CWC22: variants seen among roughly 807,000 people sequenced by gnomAD.
The protein encoded by CWC22 is pre-mRNA-splicing factor CWC22 homolog.
Under a neutral mutation model 117.2 loss-of-function variants are expected in CWC22, and 53 were observed. The observed-to-expected ratio is 0.45, with a 90% CI of 0.36 to 0.57. The LOEUF (loss-of-function observed/expected upper bound fraction) is 0.57. CWC22 is among the 20% of genes least tolerant of loss of function. CWC22 has a pLI of 0.00. For synonymous variants in CWC22, 360 were observed against 355.6 expected (o/e 1.01, Z -0.14); for missense variants, 980 against 1,068.8 (o/e 0.92, Z 1.16).
At chr2:179,952,103 G>A (rs1241856769) in intron 17 of CWC22, among the ~76,000 whole-genome samples, 2 of 152,050 alleles carry the variant, frequency 1.3e-5, no homozygotes, top group African/African-American at 4.8e-5. Flanking sequence ...ATTATTAATA[G>A]ATGAAATATA....
At chr2:179,999,514 T>C (rs2105563505) in intron 1 of CWC22, among the ~76,000 whole-genome samples, 1 of 152,308 alleles carries the variant, frequency 6.6e-6, no homozygotes, top group East Asian at 1.9e-4. Flanking sequence ...TACGTCAGAC[T>C]GTTAAGCAGA....
intron 14 of CWC22, among the ~76,000 whole-genome samples, chr2:179,956,233 A>G (rs1686587632): frequency 6.6e-6 from 1 of 151,950 alleles, no homozygotes; most frequent in African/African-American, 2.4e-5. Flanking sequence ...TAGGAAGGGA[A>G]CCTTGGAGAA....
At chr2:179,982,347 G>A (rs905147821) in intron 4 of CWC22, among the ~76,000 whole-genome samples, 1 of 152,198 alleles carries the variant, frequency 6.6e-6, no homozygotes, top group Non-Finnish European at 1.5e-5. Context: ...TTGTTGGAAA[G>A]ATGAATTAGA....
At chr2:179,955,172 A>G in intron 14 of CWC22, 138 bp from the exon 15 acceptor site, 1 of 642,814 alleles carries the variant, frequency 1.6e-6, no homozygotes. Context: ...AATAAAATAA[A>G]AACCTCAATC....
At position 179,970,867 on chromosome 2, in the gene CWC22, A is replaced by G. The variant is rs1487885762; in HGVS notation, c.941-11T>C. On this transcript the variant is annotated splice_polypyrimidine_tract_variant and intron_variant, in intron 9 of 19. Transcript: ENST00000410053. ...GGCGTTCAAATATAGCTAAAAGTTA[A>G]CAGAAAGAAAAGACAATAAAATAAG... The G allele has an allele frequency of 6.2e-7, 1 of 1,611,116 alleles. No individual in the cohort carries two copies. The highest frequency in any genetic ancestry group is 2.2e-5 in the East Asian group (1 of 44,836).
chr2:179,999,669 G>A (rs1687797386), intron 1 of CWC22, among the ~76,000 whole-genome samples: 1 of 152,098 alleles, frequency 6.6e-6, no homozygotes, highest in South Asian at 2.1e-4. Context: ...CAAGTTAGAG[G>A]AACTTGCTGA....
At chr2:179,950,260 C>T (rs761922134) in intron 19 of CWC22, among the ~76,000 whole-genome samples, 1 of 152,118 alleles carries the variant, frequency 6.6e-6, no homozygotes, top group African/African-American at 2.4e-5. Context: ...TCATATCAGT[C>T]ATCACTCAGA....
At chr2:180,004,461 A>C (rs262278) in intron 1 of CWC22, among the ~76,000 whole-genome samples, 1 of 151,826 alleles carries the variant, frequency 6.6e-6, no homozygotes, top group East Asian at 1.9e-4. Flanking sequence ...GAGAGAGCTC[A>C]GCTCACTGCA....
chr2:179,955,315 G>A (rs949811949), intron 14 of CWC22, among the ~76,000 whole-genome samples: 2 of 151,724 alleles, frequency 1.3e-5, no homozygotes, highest in Non-Finnish European at 2.9e-5. Flanking sequence ...TCTAGTATAG[G>A]AAACAGACAT....
Position 179,998,838 on chromosome 2 carries a change from A to C in CWC22, c.-113-5384T>G, listed in dbSNP as rs1687774376. Among the ~76,000 whole-genome samples, 3 of 152,122 alleles carry C rather than the reference A, an allele frequency of 2.0e-5. No homozygotes were observed. In the South Asian group the frequency reaches 6.2e-4, roughly 31 times the overall value. On this transcript the variant is annotated intron_variant, in intron 1 of 19. Coordinates refer to ENST00000410053, the MANE Select transcript of CWC22 (RefSeq NM_020943.3). Reference sequence around the variant, plus strand: ...AAATCACTTGACCCCATTGCACAAGATTTAGCGTTTTCCTTTGCTACTCTC... The same window carrying C: ...AAATCACTTGACCCCATTGCACAAGCTTTAGCGTTTTCCTTTGCTACTCTC...
rs117721173 is a variant in CWC22, at chr2:179,981,101, G to A, written c.452+651C>T. On this transcript the variant is annotated intron_variant, in intron 5 of 19. Coordinates refer to ENST00000410053, the MANE Select transcript of CWC22 (RefSeq NM_020943.3). The stretch of plus-strand genomic sequence containing the variant: ...TAATAGATCATGATCTGAAGAAAAT[G>A]TACAAAAAGAGATAATTGCCAGCTT... 2.6e-5 allele frequency among the ~76,000 whole-genome samples: 4 copies of A among 152,266 alleles called. No homozygotes were observed. The East Asian group carries it at 7.7e-4, about 29-fold the overall frequency.
chr2:179,958,061 T>C (rs1372285693), intron 14 of CWC22, among the ~76,000 whole-genome samples: 1 of 152,054 alleles, frequency 6.6e-6, no homozygotes, highest in Non-Finnish European at 1.5e-5. Flanking sequence ...CTGGGAGTGG[T>C]GGCTCACGCC....
rs116533199 is a variant in CWC22 at position 180,005,785 on chromosome 2, A to G, written c.-114+1082T>C. Among the ~76,000 whole-genome samples the G allele has an allele frequency of 2.1e-3, 315 of 152,350 alleles. 1 individual carries two copies. Among genetic ancestry groups the G allele is most frequent in the African/African-American group, 7.4e-3 (306 of 41,584 alleles). On this transcript the variant is annotated intron_variant, in intron 1 of 19. Transcript: ENST00000410053. The stretch of plus-strand genomic sequence containing the variant: ...CTTTATACTCAAAAAAAGACAATAC[A>G]GTGAGGCAGGTATTGTATTACTACC...
chr2:179,991,456 AAG>A, intron 2 of CWC22, among the ~76,000 whole-genome samples: 1 of 152,198 alleles, frequency 6.6e-6, no homozygotes, highest in Non-Finnish European at 1.5e-5. Flanking sequence ...AAGCAGACCA[AAG>A]AGAGCTGGCT....
At chr2:179,989,254 ATT>A (rs1186343908) in intron 2 of CWC22, among the ~76,000 whole-genome samples, 1 of 149,178 alleles carries the variant, frequency 6.7e-6, no homozygotes, top group Non-Finnish European at 1.5e-5. Flanking sequence ...AATAATAATT[ATT>A]ATTATTATTA....
rs1459283654 is a variant in CWC22 at position 179,952,551 on chromosome 2, A to G, written c.1737T>C (p.Ser579=). 1.3e-5 allele frequency: 20 copies of G among 1,535,540 alleles called. No individual in the cohort carries two copies. Among genetic ancestry groups the G allele is most frequent in the Non-Finnish European group, 1.7e-5 (19 of 1,132,670 alleles). ...GGAAAAATATTTTGACAAAAATTCTACTGGATGATGTAGTGGTTTCTTCAC... is the reference window on the plus strand; with the variant it reads ...GGAAAAATATTTTGACAAAAATTCTGCTGGATGATGTAGTGGTTTCTTCAC... ...KLSEETTTSS[S]RIFVKIFFQE... The change falls in exon 17 of 20, where the codon AGT becomes AGC. Residue 579 remains serine, a synonymous_variant. Transcript: ENST00000410053.
intron 4 of CWC22, among the ~76,000 whole-genome samples, chr2:179,982,418 G>T (rs1687307938): frequency 6.6e-6 from 1 of 152,094 alleles, no homozygotes; most frequent in Non-Finnish European, 1.5e-5. Flanking sequence ...GGAGGTGATG[G>T]GGAATCATTA....
chr2:179,990,733 C>T (rs762355064), intron 2 of CWC22, among the ~76,000 whole-genome samples: 2 of 152,120 alleles, frequency 1.3e-5, no homozygotes, highest in East Asian at 1.9e-4. Flanking sequence ...AACACATCTC[C>T]GCAACATCTG....
intron 1 of CWC22, among the ~76,000 whole-genome samples, chr2:179,996,851 G>A (rs1441346868): frequency 1.4e-5 from 2 of 143,994 alleles, no homozygotes; most frequent in African/African-American, 2.6e-5. Context: ...AGTTAACGTA[G>A]AATTCCAGCA....
Sources: allele counts gnomAD v4.1 joint callset (sites outside exome capture counted in the v4.1 genomes callset), GRCh38; gene constraint gnomAD v4.1.1; transcripts MANE v1.5; gene names NCBI Gene and HGNC (gene_info 2026-07-23, HGNC 2026-07-21).